Variants in FAM234A observed in about 807,000 individuals in gnomAD.
FAM234A encodes protein FAM234A.
In FAM234A, 42 loss-of-function variants were observed where a neutral mutation model predicts 49.1. That is an observed-to-expected ratio of 0.86 (90% confidence interval 0.67 to 1.11). FAM234A has a LOEUF of 1.11. FAM234A is among the 50% of genes least tolerant of loss of function. The pLI is 0.00. For synonymous variants in FAM234A, 369 were observed against 316.2 expected (o/e 1.17, Z -1.77); for missense variants, 815 against 745.2 (o/e 1.09, Z -1.09).
intron 9 of FAM234A, 54 bp downstream of exon 9, chr16:263,456 G>C: frequency 6.3e-7 from 1 of 1,592,220 alleles, no homozygotes; most frequent in Non-Finnish European, 8.5e-7. Context: ...CCGGCATCCC[G>C]GGCACATCCC....
intron 2 of FAM234A, among the ~76,000 whole-genome samples, chr16:252,357 T>G (rs2051054795): frequency 6.6e-6 from 1 of 151,908 alleles, no homozygotes; most frequent in Admixed American, 6.6e-5. Context: ...AATTTTTGTA[T>G]TTTTAGTAGA....
chr16:263,661 CT>C (rs760213682), intron 9 of FAM234A, 38 bp from the exon 10 acceptor site: 8 of 1,529,692 alleles, frequency 5.2e-6, no homozygotes, highest in Non-Finnish European at 7.2e-6. Context: ...AGTCTCCTCA[CT>C]GAGACCCCTC....
At chr16:234,893 C>G (rs909235298) in intron 1 of FAM234A, 36 bp downstream of exon 1, 1 of 152,288 alleles carries the variant, frequency 6.6e-6, no homozygotes, top group African/African-American at 2.4e-5. Flanking sequence ...CGCGTGCACG[C>G]CGCAGGGGCG....
rs907651253 is a variant in FAM234A at position 259,497 on chromosome 16, C to T, written c.283C>T (p.Leu95=). 7 of 1,601,136 alleles carry T rather than the reference C, an allele frequency of 4.4e-6. No individual in the cohort carries two copies. In the African/African-American group the frequency reaches 9.4e-5, roughly 21 times the overall value. The change falls in exon 4 of 13, where the codon CTG becomes TTG. Residue 95 remains leucine, a synonymous_variant. Coordinates refer to ENST00000399932, the MANE Select transcript of FAM234A (RefSeq NM_032039.4). ...TTCTCTTTCAGTTATCTATGACTTT[C>T]TGGCTGTGGATGATATAAACGGGGA... The part of the protein sequence containing the change: ...DYSAAVIYDF[L]AVDDINGDRI...
At chr16:255,107 G>T (rs925282818) in intron 3 of FAM234A, among the ~76,000 whole-genome samples, 1 of 152,154 alleles carries the variant, frequency 6.6e-6, no homozygotes, top group Non-Finnish European at 1.5e-5. Context: ...GCCCGCCTCA[G>T]CCTCCCAAAG....
chr16:239,468 A>G (rs1201361846), intron 1 of FAM234A, among the ~76,000 whole-genome samples: 1 of 149,266 alleles, frequency 6.7e-6, no homozygotes, highest in Non-Finnish European at 1.5e-5. Context: ...AAAAAAAACT[A>G]GTCGGACGTG....
chr16:246,283 ATTT>A (rs548011880), intron 1 of FAM234A, among the ~76,000 whole-genome samples: 1 of 136,604 alleles, frequency 7.3e-6, no homozygotes, highest in Non-Finnish European at 1.6e-5. Context: ...TGATTGGTGG[ATTT>A]TTTTTTTTTT....
intron 5 of FAM234A, chr16:260,796 A>C: frequency 2.6e-6 from 1 of 377,962 alleles, no homozygotes; most frequent in Non-Finnish European, 5.6e-6. Context: ...ATATTTTAAG[A>C]ATCAAGGAAT....
At position 244,710 on chromosome 16, in the gene FAM234A, C is replaced by T. The variant is rs147203466; in HGVS notation, c.-139-4839C>T. The stretch of plus-strand genomic sequence containing the variant: ...TTTTTTTTTTTTTTTTTTTTTGAGA[C>T]GGAATTTTGCTTTTGTTGCCCAGGC... On this transcript the variant is annotated intron_variant, in intron 1 of 12. Coordinates refer to ENST00000399932, the MANE Select transcript of FAM234A (RefSeq NM_032039.4). 9.4e-3 allele frequency among the ~76,000 whole-genome samples: 813 copies of T among 86,224 alleles called. 38 individuals are homozygous for T. The East Asian group carries it at 0.15, about 16-fold the overall frequency. The allele number at this position is 86,224 out of a possible 152,430, so 56.6% of individuals were successfully genotyped here.
Position 254,526 on chromosome 16 carries a change from C to T in FAM234A, c.113C>T (p.Ala38Val), listed in dbSNP as rs968172651. 1.2e-6 allele frequency: 2 copies of T among 1,614,218 alleles called. No individual in the cohort carries two copies. Among genetic ancestry groups the T allele is most frequent in the South Asian group, 1.1e-5 (1 of 91,084 alleles). ...PSKNEDNVKS[A>V]PPQSRLSRCR... ...AAAAATGAGGATAACGTGAAAAGCGCGCCTCCACAGTCCCGGCTCTCCCGG... is the reference window on the plus strand; with the variant it reads ...AAAAATGAGGATAACGTGAAAAGCGTGCCTCCACAGTCCCGGCTCTCCCGG... The change falls in exon 3 of 13, where the codon GCG becomes GTG. Residue 38 changes from alanine to valine, a missense_variant. Coordinates refer to ENST00000399932, the MANE Select transcript of FAM234A (RefSeq NM_032039.4).
chr16:265,783 T>A lies in FAM234A; in HGVS notation c.*761T>A, dbSNP rs1407946394. On this transcript the variant is annotated 3_prime_UTR_variant, in exon 13 of 13. Coordinates refer to ENST00000399932, the MANE Select transcript of FAM234A (RefSeq NM_032039.4). ...GCTGTGAATATCCCAAGGAACTGGC[T>A]GTGGAATGCGTGTTTGGGTCAGTCT... is the stretch of plus-strand genomic sequence containing the variant. 2 of 985,570 alleles carry A rather than the reference T, an allele frequency of 2.0e-6. No individual in the cohort carries two copies. The highest frequency in any genetic ancestry group is 3.5e-5 in the African/African-American group (2 of 57,228). 61.1% of individuals were successfully genotyped at this position (985,570 alleles called of 1,614,324 possible).
At chr16:246,596 T>C (rs1483527540) in intron 1 of FAM234A, among the ~76,000 whole-genome samples, 1 of 150,576 alleles carries the variant, frequency 6.6e-6, no homozygotes, top group African/African-American at 2.5e-5. Flanking sequence ...ATTTTTTGTA[T>C]TTTTAGTAGA....
chr16:241,936 G>T (rs956031432), intron 1 of FAM234A, among the ~76,000 whole-genome samples: 7 of 150,150 alleles, frequency 4.7e-5, no homozygotes, highest in Non-Finnish European at 8.9e-5. Flanking sequence ...CAATTAGAAT[G>T]AGACTTTTGT....
chr16:262,184 A>T lies in FAM234A; in HGVS notation c.800A>T (p.His267Leu). The change falls in exon 7 of 13, where the codon CAC becomes CTC. Residue 267 changes from histidine to leucine, a missense_variant. His to Leu is a moderately conservative substitution (Grantham distance 99). Transcript: ENST00000399932. ...GACGGGGAAAGTGGCTTCCTCCTTC[A>T]CGTCACCAGGACAGGTGCCCACTAC... The part of the protein sequence containing the change: ...GVDGESGFLL[H>L]VTRTGAHYIL... 6.2e-7 allele frequency: 1 copy of T among 1,613,912 alleles called. No individual in the cohort carries two copies. Among genetic ancestry groups the T allele is most frequent in the Non-Finnish European group, 8.5e-7 (1 of 1,180,002 alleles).
intron 5 of FAM234A, chr16:260,822 G>T (rs1265515796): frequency 2.7e-6 from 1 of 375,838 alleles, no homozygotes; most frequent in African/African-American, 2.1e-5. Context: ...TTTAAAAAAA[G>T]GTTTGGATGA....
chr16:255,843 A>G (rs1208065407), intron 3 of FAM234A, among the ~76,000 whole-genome samples: 2 of 152,148 alleles, frequency 1.3e-5, no homozygotes, highest in Non-Finnish European at 2.9e-5. Context: ...TTGTATTTTT[A>G]GTACAGATGG....
chr16:263,620 C>CACCCA, intron 9 of FAM234A, 80 bp from the exon 10 acceptor site: 1 of 1,309,298 alleles, frequency 7.6e-7, no homozygotes, highest in Non-Finnish European at 1.1e-6. Context: ...GACTGAGGGG[C>CACCCA]GGACGTGTTC....
chr16:259,353 G>A, intron 3 of FAM234A, 130 bp from the exon 4 acceptor site: 1 of 659,912 alleles, frequency 1.5e-6, no homozygotes, highest in Non-Finnish European at 2.7e-6. Context: ...TGAGGAAGAA[G>A]CCACCGTCCT....
intron 3 of FAM234A, among the ~76,000 whole-genome samples, chr16:255,025 T>C (rs954928725): frequency 6.6e-6 from 1 of 152,062 alleles, no homozygotes. Flanking sequence ...CCAGCTAATA[T>C]TTGTATTTTT....
Sources: gnomAD v4.1 joint callset for allele counts (sites outside exome capture counted in the v4.1 genomes callset) on GRCh38, gnomAD v4.1.1 for gene constraint, MANE v1.5 for transcripts, NCBI Gene and HGNC (gene_info 2026-07-23, HGNC 2026-07-21) for gene names.